The following ADAMTS9 variants were observed in gnomAD, a reference collection of about 807,000 sequenced individuals.
ADAMTS9 encodes A disintegrin and metalloproteinase with thrombospondin motifs 9.
Under a neutral mutation model 257.1 loss-of-function variants are expected in ADAMTS9, and 107 were observed. That is an observed-to-expected ratio of 0.42 (90% CI 0.36 to 0.49). ADAMTS9 has a LOEUF of 0.49. Ranked by LOEUF, ADAMTS9 falls within the 20% of genes least tolerant of loss-of-function variation. The probability of loss-of-function intolerance (pLI) is 0.03; values close to 1 mark genes in which losing one functional copy is unlikely to be tolerated. For missense variants in ADAMTS9, 2,353 were observed against 2,469.1 expected, an observed-to-expected ratio of 0.95 and a Z score of 1.00; for synonymous variants, 982 against 880.9, an observed-to-expected ratio of 1.11 and a Z score of -2.03.
intron 28 of ADAMTS9, among the ~76,000 whole-genome samples, chr3:64,570,431 T>C (rs2083651283): frequency 1.3e-5 from 2 of 152,152 alleles, no homozygotes; most frequent in African/African-American, 4.8e-5. Context: ...GATTTTATTC[T>C]GCACAAGATG....
chr3:64,626,532 G>A (rs775676763), intron 16 of ADAMTS9, among the ~76,000 whole-genome samples: 2 of 152,158 alleles, frequency 1.3e-5, no homozygotes, highest in East Asian at 1.9e-4. Flanking sequence ...ACATTGGAGA[G>A]TACCAAAGGT....
At chr3:64,628,790 T>G (rs886593494) in intron 16 of ADAMTS9, among the ~76,000 whole-genome samples, 1 of 152,208 alleles carries the variant, frequency 6.6e-6, no homozygotes, top group South Asian at 2.1e-4. Flanking sequence ...AGGTAGTCAT[T>G]AAAGACAGCA....
chr3:64,616,007 A>G lies in ADAMTS9; in HGVS notation c.2977T>C (p.Ser993Pro), dbSNP rs758262598. 6.2e-7 allele frequency: 1 copy of G among 1,613,984 alleles called. No individual in the cohort carries two copies. Among genetic ancestry groups the G allele is most frequent in the South Asian group, 1.1e-5 (1 of 91,066 alleles). The part of the protein sequence containing the change: ...HPKPSNREKC[S>P]GECNTGGWRY... ...CAGCCACCCGTGTTACATTCCCCTG[A>G]GCATTTTTCACGGTTGCTTGGTTTG... Residue 993 changes from serine (S) to proline (P), a missense_variant, in exon 20 of 40, where the codon TCA becomes CCA. Physicochemically the swap from Ser to Pro is moderately conservative, Grantham distance 74 (BLOSUM62 -1). Around this residue, in one of 3 missense-constraint regions of ADAMTS9, gnomAD observed 1,402 missense variants for 1,441.4 expected, o/e 0.97. Transcript: ENST00000498707.
At chr3:64,619,159 T>C (rs1260113013) in intron 19 of ADAMTS9, among the ~76,000 whole-genome samples, 1 of 152,172 alleles carries the variant, frequency 6.6e-6, no homozygotes, top group Non-Finnish European at 1.5e-5. Flanking sequence ...ATCTGTGCGA[T>C]CATAGGAGCA....
Position 64,657,691 on chromosome 3 carries a change from GA to G in ADAMTS9, c.969+810del, listed in dbSNP as rs1348246716. ...TGGCTACATGAAAATTTAAAATTAG[GA>G]ATTTTTTTTAATTTAAATACATTTG... On this transcript the variant is annotated intron_variant, in intron 4 of 39. Coordinates refer to ENST00000498707, the MANE Select transcript of ADAMTS9 (RefSeq NM_182920.2). 5.4e-5 allele frequency among the ~76,000 whole-genome samples: 7 copies of G among 130,408 alleles called. No individual in the cohort carries two copies. In the South Asian group the frequency reaches 1.7e-3, roughly 32 times the overall value. 85.6% of individuals were successfully genotyped at this position (130,408 alleles called of 152,430 possible).
intron 19 of ADAMTS9, among the ~76,000 whole-genome samples, chr3:64,619,996 C>T (rs1242634565): frequency 3.3e-5 from 5 of 151,476 alleles, no homozygotes; most frequent in African/African-American, 1.2e-4. Flanking sequence ...GTATAAACGT[C>T]TGCCTTTTAA....
intron 12 of ADAMTS9, among the ~76,000 whole-genome samples, chr3:64,639,860 T>G (rs952787898): frequency 6.6e-6 from 1 of 152,180 alleles, no homozygotes; most frequent in African/African-American, 2.4e-5. Flanking sequence ...GATACTTATT[T>G]TATATTATGT....
At chr3:64,615,853 G>T in intron 20 of ADAMTS9, 107 bp downstream of exon 20, 1 of 1,306,646 alleles carries the variant, frequency 7.7e-7, no homozygotes, top group Admixed American at 1.7e-5. Flanking sequence ...AATCAATCAC[G>T]GTCATCTCTT....
chr3:64,623,365 C>T (rs746613837), intron 16 of ADAMTS9, among the ~76,000 whole-genome samples: 6 of 152,168 alleles, frequency 3.9e-5, no homozygotes, highest in Non-Finnish European at 7.3e-5. Flanking sequence ...GAGAGGCCTG[C>T]AAGCAGCAGG....
chr3:64,652,451 T>C (rs1700953940), intron 8 of ADAMTS9, among the ~76,000 whole-genome samples: 1 of 152,242 alleles, frequency 6.6e-6, no homozygotes, highest in African/African-American at 2.4e-5. Context: ...GCATAATCAA[T>C]GCAATACCTG....
chr3:64,553,196 C>G (rs7651902), intron 30 of ADAMTS9, among the ~76,000 whole-genome samples: 99,622 of 152,062 alleles, frequency 0.66, 36,818 homozygotes, highest in Non-Finnish European at 0.85. Flanking sequence ...TACCCGTTCA[C>G]CAGTCCCTCC....
At chr3:64,528,969 C>A (rs1258827723) in intron 38 of ADAMTS9, among the ~76,000 whole-genome samples, 4 of 152,126 alleles carry the variant, frequency 2.6e-5, no homozygotes, top group Non-Finnish European at 5.9e-5. Context: ...ACGTGCTTCA[C>A]CTCTGGGCTC....
intron 38 of ADAMTS9, among the ~76,000 whole-genome samples, chr3:64,523,592 G>A (rs1051007221): frequency 1.3e-5 from 2 of 152,172 alleles, no homozygotes; most frequent in East Asian, 3.9e-4. Context: ...CAAAGCTTGC[G>A]AAACTGTTAG....
intron 39 of ADAMTS9, among the ~76,000 whole-genome samples, chr3:64,519,499 A>T (rs1201081081): frequency 6.6e-6 from 1 of 152,202 alleles, no homozygotes; most frequent in East Asian, 1.9e-4. Context: ...CAAGAAAAAA[A>T]GAAAACTACA....
Position 64,622,203 on chromosome 3 carries a change from C to T in ADAMTS9, c.2681G>A (p.Cys894Tyr). ...CTCAAATTCAAAGCAGATACCTTGG[C>T]AGGGTTTACTGCATGCTTGCCATGG... ...HGPWQACSKP[C>Y]QGERKRKLVC... Residue 894 changes from cysteine (C) to tyrosine (Y), a missense_variant, in exon 18 of 40, where the codon TGC becomes TAC. Cys to Tyr is a radical substitution (Grantham distance 194, BLOSUM62 -2). Around this residue, in one of 3 missense-constraint regions of ADAMTS9, gnomAD observed 1,402 missense variants for 1,441.4 expected, o/e 0.97. Transcript: ENST00000498707. 1 of 1,610,902 alleles carries T rather than the reference C, an allele frequency of 6.2e-7. No homozygotes were observed. Among genetic ancestry groups the T allele is most frequent in the Non-Finnish European group, 8.5e-7 (1 of 1,178,402 alleles).
chr3:64,665,653 A>G (rs936259537), intron 3 of ADAMTS9, among the ~76,000 whole-genome samples: 4 of 152,256 alleles, frequency 2.6e-5, no homozygotes, highest in African/African-American at 9.6e-5. Flanking sequence ...TTTCAAAGCC[A>G]TGAGCTGTAT....
chr3:64,616,985 G>T (rs1699957200), intron 19 of ADAMTS9, among the ~76,000 whole-genome samples: 1 of 152,108 alleles, frequency 6.6e-6, no homozygotes, highest in Non-Finnish European at 1.5e-5. Flanking sequence ...GCTTATCTTG[G>T]AATTTCTCAT....
At chr3:64,655,975 T>C in intron 4 of ADAMTS9, 100 bp from the exon 5 acceptor site, 1 of 651,680 alleles carries the variant, frequency 1.5e-6, no homozygotes. Context: ...TTACGTTTCT[T>C]GCAACATATG....
In ADAMTS9 at chr3:64,540,891, A is replaced by G. The variant is rs9866261; in HGVS notation, c.5521+204T>C. ...CCACTTTCCAGGCACTGGGGAATAC[A>G]GCAGTGAACAAAAGAGACAAAACTG... On this transcript the variant is annotated intron_variant, in intron 36 of 39. Transcript: ENST00000498707. Among the ~76,000 whole-genome samples, 45,367 of 152,106 alleles carry G rather than the reference A, an allele frequency of 0.3. 9,924 individuals are homozygous for G. The highest frequency in any genetic ancestry group is 0.58 in the African/African-American group (24,092 of 41,440).
Sources: allele counts gnomAD v4.1 joint callset (sites outside exome capture counted in the v4.1 genomes callset), GRCh38; gene constraint gnomAD v4.1.1; regional missense constraint gnomAD v4.1.1; transcripts MANE v1.5; gene names NCBI Gene and HGNC (gene_info 2026-07-23, HGNC 2026-07-21).